GRID1: variants seen among roughly 807,000 people sequenced by gnomAD.
GRID1 encodes glutamate receptor ionotropic, delta-1.
Under a neutral mutation model 98.0 loss-of-function variants are expected in GRID1, and 28 were observed. That is an observed-to-expected ratio of 0.29 (90% CI 0.21 to 0.39). The LOEUF (loss-of-function observed/expected upper bound fraction) is 0.39. Ranked by LOEUF, GRID1 falls within the 10% of genes least tolerant of loss-of-function variation. The pLI is 1.00. For synonymous variants in GRID1, 553 were observed against 538.5 expected, an observed-to-expected ratio of 1.03 and a Z score of -0.37; for missense variants, 1,111 against 1,340.5, an observed-to-expected ratio of 0.83 and a Z score of 2.67.
intron 8 of GRID1, among the ~76,000 whole-genome samples, chr10:85,809,615 T>G (rs543540887): frequency 6.3e-4 from 96 of 152,338 alleles, no homozygotes; most frequent in African/African-American, 2.2e-3. Context: ...CACACATTTC[T>G]CCTTATAAAA....
intron 4 of GRID1, among the ~76,000 whole-genome samples, chr10:86,040,370 T>G (rs1843328627): frequency 6.6e-6 from 1 of 151,886 alleles, no homozygotes; most frequent in Admixed American, 6.6e-5. Flanking sequence ...ATAAAGAAAA[T>G]GTGTTATACA....
intron 4 of GRID1, among the ~76,000 whole-genome samples, chr10:86,102,483 C>T (rs556563568): frequency 6.6e-6 from 1 of 152,360 alleles, no homozygotes; most frequent in East Asian, 1.9e-4. Context: ...CAAGGCATTA[C>T]CCCATGCCCA....
chr10:86,185,559 C>G (rs1845715417), intron 3 of GRID1, among the ~76,000 whole-genome samples: 1 of 152,096 alleles, frequency 6.6e-6, no homozygotes, highest in African/African-American at 2.4e-5. Context: ...TCTTAAGGGA[C>G]AAGCATATAG....
At chr10:85,798,234 G>A (rs1486170322) in intron 8 of GRID1, among the ~76,000 whole-genome samples, 1 of 152,288 alleles carries the variant, frequency 6.6e-6, no homozygotes, top group African/African-American at 2.4e-5. Context: ...TATCTGCTAT[G>A]TCTTCTTTGC....
At chr10:86,117,372 A>T (rs367977734) in intron 4 of GRID1, among the ~76,000 whole-genome samples, 259 of 150,656 alleles carry the variant, frequency 1.7e-3, no homozygotes, top group African/African-American at 5.9e-3. Context: ...ACAATCACCA[A>T]CACCATCATG....
intron 8 of GRID1, among the ~76,000 whole-genome samples, chr10:85,804,137 C>T (rs1842601389): frequency 6.7e-6 from 1 of 149,762 alleles, no homozygotes; most frequent in Non-Finnish European, 1.5e-5. Flanking sequence ...CCTATTTAGA[C>T]TAGTTAAGGA....
At chr10:86,246,427 G>T (rs1234275290) in intron 2 of GRID1, among the ~76,000 whole-genome samples, 2 of 152,134 alleles carry the variant, frequency 1.3e-5, no homozygotes, top group Non-Finnish European at 2.9e-5. Flanking sequence ...CCAACAGAAG[G>T]AACAAGCAAG....
chr10:86,300,194 C>A (rs1168346198), intron 2 of GRID1, among the ~76,000 whole-genome samples: 1 of 151,898 alleles, frequency 6.6e-6, no homozygotes, highest in African/African-American at 2.4e-5. Context: ...CTACGGCACA[C>A]CAGAAGCCAC....
chr10:86,303,700 A>G (rs1488411202), intron 2 of GRID1, among the ~76,000 whole-genome samples: 1 of 152,186 alleles, frequency 6.6e-6, no homozygotes, highest in Non-Finnish European at 1.5e-5. Context: ...GATTTCACTG[A>G]CAGCCCTGGG....
Position 85,913,890 on chromosome 10 carries a change from G to A in GRID1, c.780+2296C>T, listed in dbSNP as rs1248957700. ...AGGAGGAAGATGAGGCTCCCTGGAGGCCCCTCACATTTGGAGGAGGACACA... is the reference window on the plus strand; with the variant it reads ...AGGAGGAAGATGAGGCTCCCTGGAGACCCCTCACATTTGGAGGAGGACACA... On this transcript the variant is annotated intron_variant, in intron 5 of 15. Coordinates refer to ENST00000327946, the MANE Select transcript of GRID1 (RefSeq NM_017551.3). Among the ~76,000 whole-genome samples, 4 of 152,316 alleles carry A rather than the reference G, an allele frequency of 2.6e-5. No homozygotes were observed. The South Asian group carries it at 6.2e-4, about 24-fold the overall frequency.
At chr10:85,733,694 G>A (rs1173598211) in intron 8 of GRID1, among the ~76,000 whole-genome samples, 1 of 152,150 alleles carries the variant, frequency 6.6e-6, no homozygotes, top group Non-Finnish European at 1.5e-5. Flanking sequence ...TTGAGGGGCT[G>A]TTCAAAGAAG....
At chr10:85,723,325 G>T (rs111665383) in intron 11 of GRID1, among the ~76,000 whole-genome samples, 184 bp from the exon 12 acceptor site, 1 of 152,138 alleles carries the variant, frequency 6.6e-6, no homozygotes, top group Non-Finnish European at 1.5e-5. Context: ...TAAAACCATG[G>T]ATCTTGGACA....
chr10:86,239,999 G>A (rs1192643015), intron 2 of GRID1, among the ~76,000 whole-genome samples: 1 of 152,148 alleles, frequency 6.6e-6, no homozygotes, highest in Non-Finnish European at 1.5e-5. Flanking sequence ...CACACAGAGG[G>A]AAGACCATGT....
chr10:86,328,453 G>A (rs1489158886), intron 2 of GRID1, among the ~76,000 whole-genome samples: 1 of 152,250 alleles, frequency 6.6e-6, no homozygotes, highest in African/African-American at 2.4e-5. Flanking sequence ...GCTCAGCCAT[G>A]TGAAGAAGTC....
chr10:85,617,527 G>T (rs1842806737), intron 14 of GRID1, among the ~76,000 whole-genome samples: 1 of 152,026 alleles, frequency 6.6e-6, no homozygotes, highest in Admixed American at 6.5e-5. Flanking sequence ...CAGCCCAACA[G>T]AACCTTTTAA....
chr10:85,719,301 T>G (rs112200052), intron 12 of GRID1, among the ~76,000 whole-genome samples: 9,071 of 152,294 alleles, frequency 0.06, 513 homozygotes, highest in African/African-American at 0.15. Context: ...AACCTCTGCC[T>G]GTTACCCAAT....
At chr10:85,915,527 A>G (rs533436934) in intron 5 of GRID1, among the ~76,000 whole-genome samples, 1 of 150,294 alleles carries the variant, frequency 6.7e-6, no homozygotes, top group East Asian at 2.0e-4. Context: ...AGACACACAT[A>G]TACACACACA....
rs143864053 is a variant in GRID1 at position 85,700,579 on chromosome 10, A to T, written c.1997+22424T>A. ...AAAGGTGCCTGTAGTGTTCAACCTC[A>T]TGCCAATGCTGCCTTTTTCAAATGA... is the stretch of plus-strand genomic sequence containing the variant. On this transcript the variant is annotated intron_variant, in intron 12 of 15. Coordinates refer to ENST00000327946, the MANE Select transcript of GRID1 (RefSeq NM_017551.3). 4.6e-3 allele frequency among the ~76,000 whole-genome samples: 698 copies of T among 152,302 alleles called. 5 individuals carry two copies. Among genetic ancestry groups the T allele is most frequent in the African/African-American group, 0.015 (620 of 41,562 alleles).
At chr10:86,064,761 T>C (rs72835205) in intron 4 of GRID1, among the ~76,000 whole-genome samples, 2,874 of 152,270 alleles carry the variant, frequency 0.019, 34 homozygotes, top group South Asian at 0.045. Context: ...TCAGAGCATC[T>C]TATTCCAGGC....
Sources: allele counts gnomAD v4.1 joint callset (sites outside exome capture counted in the v4.1 genomes callset), GRCh38; gene constraint gnomAD v4.1.1; transcripts MANE v1.5; gene names NCBI Gene and HGNC (gene_info 2026-07-23, HGNC 2026-07-21).